Variants in TSPAN19 observed in about 807,000 individuals in gnomAD.
The protein encoded by TSPAN19 is tetraspanin 19, also known as tetraspanin-19.
In TSPAN19, 44 loss-of-function variants were observed where a neutral mutation model predicts 35.1. The ratio of observed to expected loss-of-function variants is 1.25; its 90% CI spans 0.98 to 1.61. The LOEUF (loss-of-function observed/expected upper bound fraction) is 1.61. TSPAN19 is among the 40% of genes most tolerant of loss of function. The pLI, the probability that TSPAN19 is intolerant of heterozygous loss-of-function variation, is 0.00. For synonymous variants in TSPAN19, 79 were observed against 92.0 expected (o/e 0.86, Z 0.81); for missense variants, 290 against 280.0 (o/e 1.04, Z -0.26).
At chr12:85,032,134 T>C (rs1242082953) in intron 1 of TSPAN19, among the ~76,000 whole-genome samples, 1 of 152,144 alleles carries the variant, frequency 6.6e-6, no homozygotes, top group Non-Finnish European at 1.5e-5. Flanking sequence ...ATTTCATGAT[T>C]AAATTTGAAT....
In TSPAN19 at chr12:85,017,484, T is replaced by C. The variant is rs1258693884; in HGVS notation, c.566A>G (p.Asp189Gly). The change falls in exon 7 of 9, where the codon GAT becomes GGT. Residue 189 changes from aspartate (D) to glycine (G), a missense_variant. Physicochemically the swap from Asp to Gly is moderately conservative, Grantham distance 94. Transcript: ENST00000532498. ...AAGGTAAGTTGCATTCAGTGGCTCA[T>C]CACAAAACCATTTTCTTAAAGTTGA... The part of the protein sequence containing the change: ...TKSTLRKWFC[D>G]EPLNATYLEG... 3.1e-6 allele frequency: 5 copies of C among 1,609,244 alleles called. No homozygotes were observed. The South Asian group carries it at 5.5e-5, about 18-fold the overall frequency.
At chr12:85,030,067 A>C in intron 1 of TSPAN19, 94 bp from the exon 2 acceptor site, 2 of 1,022,228 alleles carry the variant, frequency 2.0e-6, no homozygotes, top group South Asian at 4.0e-5. Flanking sequence ...TTTTCTTCTC[A>C]AATCAATTAT....
intron 1 of TSPAN19, among the ~76,000 whole-genome samples, chr12:85,031,993 C>A (rs970949803): frequency 6.6e-6 from 1 of 151,990 alleles, no homozygotes; most frequent in African/African-American, 2.4e-5. Flanking sequence ...CTTTAATATG[C>A]TTTACTGTGG....
chr12:85,017,662 T>A, intron 6 of TSPAN19, 63 bp from the exon 7 acceptor site: 1 of 1,300,980 alleles, frequency 7.7e-7, no homozygotes, highest in Non-Finnish European at 1.0e-6. Context: ...TTATATGAGA[T>A]TAATATTGAA....
chr12:85,019,506 G>T, intron 6 of TSPAN19, 120 bp downstream of exon 6: 8 of 610,336 alleles, frequency 1.3e-5, no homozygotes, highest in Admixed American at 3.6e-5. Context: ...TGCCCAGTTT[G>T]TTTGAAAGAA....
Position 85,019,780 on chromosome 12 carries a change from T to TCCA in TSPAN19, c.340-47_340-45dup, listed in dbSNP as rs1442061337. ...AAAATGAAAATTTCATAGGAATGTA[T>TCCA]CCATAAAAATTTCATAGAAATTGAT... On this transcript the variant is annotated intron_variant, in intron 5 of 8. Coordinates refer to ENST00000532498, the MANE Select transcript of TSPAN19 (RefSeq NM_001100917.2). 3 of 1,121,320 alleles carry TCCA rather than the reference T, an allele frequency of 2.7e-6. No individual in the cohort carries two copies. The East Asian group carries it at 7.3e-5, about 27-fold the overall frequency. 69.5% of individuals were successfully genotyped at this position (1,121,320 alleles called of 1,614,324 possible).
chr12:85,030,715 T>G (rs886462232), intron 1 of TSPAN19, among the ~76,000 whole-genome samples: 9 of 152,138 alleles, frequency 5.9e-5, no homozygotes, highest in African/African-American at 2.2e-4. Context: ...CTAAAGTAGC[T>G]TTCATTAAAA....
chr12:85,016,121 C>A, intron 7 of TSPAN19, 150 bp from the exon 8 acceptor site: 3 of 508,026 alleles, frequency 5.9e-6, no homozygotes, highest in Non-Finnish European at 1.0e-5. Flanking sequence ...GACTTTTAGT[C>A]CAGAAAGCTT....
At chr12:85,017,766 T>C (rs963965965) in intron 6 of TSPAN19, among the ~76,000 whole-genome samples, 167 bp from the exon 7 acceptor site, 3 of 152,054 alleles carry the variant, frequency 2.0e-5, no homozygotes, top group African/African-American at 7.2e-5. Context: ...TTCATTACTT[T>C]GTTTCTGCTA....
At chr12:85,021,751 C>A (rs528966385) in intron 5 of TSPAN19, among the ~76,000 whole-genome samples, 6 of 152,164 alleles carry the variant, frequency 3.9e-5, no homozygotes, top group Non-Finnish European at 7.4e-5. Flanking sequence ...ATGCAGAAGA[C>A]AAATTGATGT....
chr12:85,029,714 C>T lies in TSPAN19; in HGVS notation c.139+5G>A, dbSNP rs1348163824. ...ACTGAGAGAAAAACAAAAATAGATA[C>T]ATACCAAAAGCTGTTAAAAAATTAT... On this transcript the variant is annotated splice_donor_5th_base_variant and intron_variant, in intron 3 of 8. Coordinates refer to ENST00000532498, the MANE Select transcript of TSPAN19 (RefSeq NM_001100917.2). 2.6e-6 allele frequency: 4 copies of T among 1,530,778 alleles called. No homozygotes were observed. Among genetic ancestry groups the T allele is most frequent in the Admixed American group, 4.3e-5 (2 of 46,164 alleles). The allele number at this position is 1,530,778 out of a possible 1,614,324, so 94.8% of individuals were successfully genotyped here.
intron 6 of TSPAN19, among the ~76,000 whole-genome samples, chr12:85,018,836 A>G (rs1284637024): frequency 6.6e-6 from 1 of 151,954 alleles, no homozygotes; most frequent in African/African-American, 2.4e-5. Context: ...TGAGGATAAC[A>G]GTTCCTATGT....
At chr12:85,035,773 C>A (rs1236029634) in intron 1 of TSPAN19, among the ~76,000 whole-genome samples, 1 of 152,008 alleles carries the variant, frequency 6.6e-6, no homozygotes, top group Non-Finnish European at 1.5e-5. Context: ...ATGACATAAA[C>A]TTAGAAATTA....
intron 4 of TSPAN19, among the ~76,000 whole-genome samples, chr12:85,025,236 A>G (rs1877341569): frequency 6.6e-6 from 1 of 151,590 alleles, no homozygotes; most frequent in Non-Finnish European, 1.5e-5. Flanking sequence ...CCCAGGTTCA[A>G]GCGATTCTCG....
intron 4 of TSPAN19, among the ~76,000 whole-genome samples, chr12:85,024,111 A>T (rs1877271390): frequency 6.6e-6 from 1 of 152,194 alleles, no homozygotes; most frequent in African/African-American, 2.4e-5. Context: ...AGCATTTAGT[A>T]GCAAAATGGG....
intron 1 of TSPAN19, among the ~76,000 whole-genome samples, chr12:85,035,584 T>A (rs1877947266): frequency 1.3e-5 from 2 of 152,150 alleles, no homozygotes; most frequent in Admixed American, 6.5e-5. Flanking sequence ...TGCTTTTAGC[T>A]TATTTTATAG....
intron 4 of TSPAN19, among the ~76,000 whole-genome samples, chr12:85,025,531 G>C (rs535928816): frequency 2.0e-5 from 3 of 150,434 alleles, no homozygotes; most frequent in East Asian, 4.0e-4. Flanking sequence ...TTTTTTGTTG[G>C]GGGGGAGGTG....
intron 6 of TSPAN19, 66 bp downstream of exon 6, chr12:85,019,560 C>G: frequency 1.0e-6 from 1 of 999,460 alleles, no homozygotes; most frequent in Non-Finnish European, 1.6e-6. Context: ...CTGCCCTGAC[C>G]TATTCTCTCT....
intron 4 of TSPAN19, among the ~76,000 whole-genome samples, chr12:85,027,486 G>A (rs748350762): frequency 3.9e-5 from 6 of 151,914 alleles, no homozygotes; most frequent in Admixed American, 6.6e-5. Context: ...TTACCTTTCC[G>A]CGTGCCATGC....
Sources: gnomAD v4.1 joint callset for allele counts (sites outside exome capture counted in the v4.1 genomes callset) on GRCh38, gnomAD v4.1.1 for gene constraint, MANE v1.5 for transcripts, NCBI Gene and HGNC (gene_info 2026-07-23, HGNC 2026-07-21) for gene names.